PSPC1: variants seen among roughly 807,000 people sequenced by gnomAD.
The protein encoded by PSPC1 is paraspeckle protein 1.
PSPC1 carries 14 observed loss-of-function variants against 51.6 expected under a neutral mutation model. The ratio of observed to expected loss-of-function variants is 0.27; its 90% CI spans 0.18 to 0.42. The LOEUF is 0.42. Among genes scored for constraint, PSPC1 ranks in the 10% least tolerant of loss-of-function variants. The pLI is 1.00. For synonymous variants in PSPC1, 193 were observed against 231.9 expected (o/e 0.83, Z 1.53); for missense variants, 406 against 701.1 (o/e 0.58, Z 4.75).
chr13:19,760,061 C>T (rs1460243119), intron 2 of PSPC1, among the ~76,000 whole-genome samples: 1 of 152,078 alleles, frequency 6.6e-6, no homozygotes, highest in Non-Finnish European at 1.5e-5. Context: ...GCCACTGCTT[C>T]AGCTATTGAT....
chr13:19,739,145 G>A (rs1050124512), intron 5 of PSPC1, among the ~76,000 whole-genome samples: 1 of 152,158 alleles, frequency 6.6e-6, no homozygotes, highest in Non-Finnish European at 1.5e-5. Context: ...CTTATCATTA[G>A]TATTATGATA....
chr13:19,691,622 AAG>A (rs1878558018), intron 6 of PSPC1, among the ~76,000 whole-genome samples: 1 of 152,054 alleles, frequency 6.6e-6, no homozygotes, highest in Non-Finnish European at 1.5e-5. Context: ...AGGCACTTAT[AAG>A]AGATTTACAA....
intron 6 of PSPC1, among the ~76,000 whole-genome samples, chr13:19,713,806 T>G (rs1335991799): frequency 6.6e-6 from 1 of 151,966 alleles, no homozygotes; most frequent in Non-Finnish European, 1.5e-5. Flanking sequence ...GGTCATGGAG[T>G]ACACTAAGAG....
chr13:19,781,242 A>T (rs1482916059), intron 1 of PSPC1, among the ~76,000 whole-genome samples: 1 of 150,976 alleles, frequency 6.6e-6, no homozygotes, highest in Non-Finnish European at 1.5e-5. Context: ...CAGTGACGTG[A>T]TCTCAGCTCA....
intron 4 of PSPC1, among the ~76,000 whole-genome samples, chr13:19,742,141 T>G (rs1177888952): frequency 1.3e-5 from 2 of 150,378 alleles, no homozygotes; most frequent in Admixed American, 6.6e-5. Context: ...CAAAAACAAG[T>G]TCATTGTTAG....
intron 8 of PSPC1, among the ~76,000 whole-genome samples, chr13:19,703,910 A>G (rs771914410): frequency 2.6e-4 from 40 of 152,228 alleles, no homozygotes; most frequent in Non-Finnish European, 4.6e-4. Flanking sequence ...TTGAAAGATT[A>G]TCATGGGAAA....
At chr13:19,734,257 A>G (rs1884490446) in intron 5 of PSPC1, among the ~76,000 whole-genome samples, 1 of 152,222 alleles carries the variant, frequency 6.6e-6, no homozygotes, top group South Asian at 2.1e-4. Context: ...GGAGAGGAGA[A>G]CTAGTAATTA....
chr13:19,730,445 G>T, intron 5 of PSPC1, 101 bp from the exon 6 acceptor site: 2 of 1,067,830 alleles, frequency 1.9e-6, no homozygotes, highest in Non-Finnish European at 2.9e-6. Flanking sequence ...ATCATATTAT[G>T]CCAAACCTGT....
At chr13:19,762,436 T>G (rs1232784292) in intron 2 of PSPC1, among the ~76,000 whole-genome samples, 1 of 152,168 alleles carries the variant, frequency 6.6e-6, no homozygotes, top group African/African-American at 2.4e-5. Flanking sequence ...GGCACACGCC[T>G]GTAGTCCCAG....
chr13:19,754,068 A>G (rs1197914408), intron 3 of PSPC1, among the ~76,000 whole-genome samples: 4 of 150,848 alleles, frequency 2.7e-5, no homozygotes, highest in Non-Finnish European at 1.5e-5. Flanking sequence ...TTGCTTTGTG[A>G]GCATTTTCTT....
chr13:19,730,070 T>G (rs565694429), intron 6 of PSPC1, among the ~76,000 whole-genome samples, 169 bp downstream of exon 6: 9 of 152,284 alleles, frequency 5.9e-5, no homozygotes, highest in African/African-American at 2.2e-4. Flanking sequence ...CAGAAACTAA[T>G]TTTACTTTAC....
downstream of PSPC1, among the ~76,000 whole-genome samples, chr13:19,674,117 C>G (rs1321687729): frequency 6.6e-6 from 1 of 152,216 alleles, no homozygotes; most frequent in Non-Finnish European, 1.5e-5. Context: ...ATGGCCTCTG[C>G]CATTATTCCT....
In PSPC1 at chr13:19,731,761, G is replaced by A. The variant is rs118142285; in HGVS notation, c.1053-1417C>T. On this transcript the variant is annotated intron_variant, in intron 5 of 8. Transcript: ENST00000338910. Reference sequence around the variant, plus strand: ...TGATGTTTAAAAAAATGCTCACTGGGGCATTTCAGATTTAGGATGCTCACC... The same window carrying A: ...TGATGTTTAAAAAAATGCTCACTGGAGCATTTCAGATTTAGGATGCTCACC... Among the ~76,000 whole-genome samples the A allele has an allele frequency of 3.9e-3, 588 of 152,120 alleles. 4 individuals carry two copies. The highest frequency in any genetic ancestry group is 8.3e-3 in the South Asian group (40 of 4,816).
chr13:19,768,272 G>A (rs1011798379), intron 2 of PSPC1, among the ~76,000 whole-genome samples: 23 of 151,610 alleles, frequency 1.5e-4, no homozygotes, highest in Admixed American at 5.3e-4. Flanking sequence ...TTAAAAACAA[G>A]CCACAGACTG....
intron 6 of PSPC1, among the ~76,000 whole-genome samples, chr13:19,683,199 G>T (rs554571478): frequency 6.6e-6 from 1 of 152,170 alleles, no homozygotes; most frequent in Non-Finnish European, 1.5e-5. Context: ...AATGCATAAT[G>T]ACTTGTACAA....
chr13:19,684,609 T>G (rs1593520924), intron 6 of PSPC1, among the ~76,000 whole-genome samples: 1 of 152,386 alleles, frequency 6.6e-6, no homozygotes, highest in African/African-American at 2.4e-5. Context: ...GGAAAAATAT[T>G]TCTTGCAGAA....
chr13:19,779,792 GCCCGGCCGCC>G (rs1889694116), intron 1 of PSPC1, among the ~76,000 whole-genome samples: 10 of 74,292 alleles, frequency 1.3e-4, no homozygotes, highest in Admixed American at 8.1e-4. Context: ...GGGCGCCTCT[GCCCGGCCGCC>G]CCTACTGGGA....
In PSPC1 at chr13:19,771,490, G is replaced by C. The variant is rs1357166563; in HGVS notation, c.674+752C>G. Among the ~76,000 whole-genome samples the C allele has an allele frequency of 2.0e-5, 3 of 151,946 alleles. No individual in the cohort carries two copies. In the East Asian group the frequency reaches 5.8e-4, roughly 30 times the overall value. ...TCACTCGGTCACCTAGGCTGGAGTA[G>C]AGTGGCATGATCTGGGATCACTGCA... is the stretch of plus-strand genomic sequence containing the variant. On this transcript the variant is annotated intron_variant, in intron 2 of 8. Transcript: ENST00000338910.
At chr13:19,750,903 G>A (rs1329743660) in intron 4 of PSPC1, among the ~76,000 whole-genome samples, 6 of 151,872 alleles carry the variant, frequency 4.0e-5, no homozygotes, top group African/African-American at 7.3e-5. Context: ...CCAACTAGCT[G>A]GGATTACAGG....
Sources: allele counts gnomAD v4.1 joint callset (sites outside exome capture counted in the v4.1 genomes callset), GRCh38; gene constraint gnomAD v4.1.1; transcripts MANE v1.5; gene names NCBI Gene and HGNC (gene_info 2026-07-23, HGNC 2026-07-21).